CADM2: variants seen among roughly 807,000 people sequenced by gnomAD.
CADM2 encodes the protein cell adhesion molecule 2, also known as immunoglobulin superfamily member 4D.
A neutral mutation model predicts 49.8 loss-of-function variants in CADM2; 12 were observed. The observed-to-expected ratio is 0.24, with a 90% CI of 0.15 to 0.39. The LOEUF (loss-of-function observed/expected upper bound fraction) is 0.39, where lower values mean the gene tolerates loss of function less well. Among genes scored for constraint, CADM2 ranks in the 10% least tolerant of loss-of-function variants. The pLI is 1.00. For synonymous variants in CADM2, 214 were observed against 175.4 expected (o/e 1.22, Z -1.74); for missense variants, 378 against 492.3 (o/e 0.77, Z 2.20).
At chr3:85,913,936 G>A (rs918083752) in intron 6 of CADM2, among the ~76,000 whole-genome samples, 1 of 152,062 alleles carries the variant, frequency 6.6e-6, no homozygotes. Context: ...TCTAGGAATA[G>A]CAAGGGTGCC....
At chr3:85,019,448 A>C (rs1038009365) in intron 1 of CADM2, among the ~76,000 whole-genome samples, 1 of 152,122 alleles carries the variant, frequency 6.6e-6, no homozygotes, top group Non-Finnish European at 1.5e-5. Context: ...TCGCCACTGC[A>C]CTCTCACCTG....
intron 1 of CADM2, among the ~76,000 whole-genome samples, chr3:85,034,434 C>T (rs1258820686): frequency 6.6e-6 from 1 of 152,068 alleles, no homozygotes; most frequent in Non-Finnish European, 1.5e-5. Flanking sequence ...GGATCTCATT[C>T]TTTTTTACGG....
At chr3:85,612,240 A>T (rs1437316155) in intron 1 of CADM2, among the ~76,000 whole-genome samples, 1 of 152,028 alleles carries the variant, frequency 6.6e-6, no homozygotes. Flanking sequence ...TATAACAACA[A>T]TAGCAACTAA....
chr3:85,399,954 C>T (rs550105336), intron 1 of CADM2, among the ~76,000 whole-genome samples: 7 of 152,184 alleles, frequency 4.6e-5, no homozygotes, highest in African/African-American at 1.4e-4. Flanking sequence ...ATTGAATACC[C>T]TTTATTTCTT....
intron 1 of CADM2, among the ~76,000 whole-genome samples, chr3:85,687,174 A>C (rs2107671517): frequency 6.6e-6 from 1 of 152,350 alleles, no homozygotes; most frequent in South Asian, 2.1e-4. Flanking sequence ...CGTATGTCAC[A>C]AAATTTTTTT....
At chr3:85,535,750 G>A (rs2061409408) in intron 1 of CADM2, among the ~76,000 whole-genome samples, 2 of 152,092 alleles carry the variant, frequency 1.3e-5, no homozygotes, top group South Asian at 4.1e-4. Flanking sequence ...CTCAGCTTTA[G>A]GGAAAGGGGA....
chr3:85,845,168 A>C (rs1241364399), intron 3 of CADM2, among the ~76,000 whole-genome samples: 3 of 151,572 alleles, frequency 2.0e-5, no homozygotes, highest in African/African-American at 7.3e-5. Flanking sequence ...AAAAAAAAAA[A>C]AAAAAAGAAG....
intron 1 of CADM2, among the ~76,000 whole-genome samples, chr3:85,101,131 G>T (rs758128881): frequency 6.6e-6 from 1 of 152,076 alleles, no homozygotes; most frequent in African/African-American, 2.4e-5. Flanking sequence ...GTGCGCACCT[G>T]TAATCCCAGC....
At chr3:85,943,708 T>A (rs561538417) in intron 7 of CADM2, among the ~76,000 whole-genome samples, 5,041 of 151,724 alleles carry the variant, frequency 0.033, 279 homozygotes, top group African/African-American at 0.12. Flanking sequence ...GAGATATAGA[T>A]CAATGGAACC....
chr3:86,056,850 T>C (rs1351370294), intron 8 of CADM2, among the ~76,000 whole-genome samples: 1 of 152,206 alleles, frequency 6.6e-6, no homozygotes, highest in African/African-American at 2.4e-5. Flanking sequence ...TGTGGGGCCA[T>C]TTGTTTTTTA....
intron 1 of CADM2, among the ~76,000 whole-genome samples, chr3:85,639,342 C>T (rs868833802): frequency 6.6e-6 from 1 of 152,150 alleles, no homozygotes; most frequent in African/African-American, 2.4e-5. Context: ...CATCACTAAA[C>T]ATTGCATCGC....
At chr3:85,781,958 A>G (rs538340969) in intron 2 of CADM2, among the ~76,000 whole-genome samples, 1 of 152,342 alleles carries the variant, frequency 6.6e-6, no homozygotes, top group South Asian at 2.1e-4. Flanking sequence ...ATTTTGAAAT[A>G]CTGCCAACAT....
intron 1 of CADM2, among the ~76,000 whole-genome samples, chr3:85,066,237 T>C (rs2036525934): frequency 6.6e-6 from 1 of 151,944 alleles, no homozygotes; most frequent in Non-Finnish European, 1.5e-5. Flanking sequence ...AGTAGAGTTA[T>C]CAGGAAAGGG....
At chr3:85,456,887 G>A (rs903532818) in intron 1 of CADM2, among the ~76,000 whole-genome samples, 3 of 149,498 alleles carry the variant, frequency 2.0e-5, no homozygotes, top group African/African-American at 7.4e-5. Context: ...ACAATAAACA[G>A]CACTCATTGT....
chr3:85,747,789 CAA>C (rs1236277848), intron 2 of CADM2, among the ~76,000 whole-genome samples: 1 of 151,998 alleles, frequency 6.6e-6, no homozygotes, highest in Non-Finnish European at 1.5e-5. Context: ...ATGAGATCAT[CAA>C]AACTGCTAGC....
intron 1 of CADM2, among the ~76,000 whole-genome samples, chr3:85,575,083 A>G (rs759199608): frequency 3.9e-5 from 6 of 152,182 alleles, no homozygotes; most frequent in Non-Finnish European, 5.9e-5. Context: ...TGCAAGCCTG[A>G]GAAAGAAATT....
chr3:85,165,454 A>C (rs1418998976), intron 1 of CADM2, among the ~76,000 whole-genome samples: 2 of 151,970 alleles, frequency 1.3e-5, no homozygotes, highest in Non-Finnish European at 2.9e-5. Context: ...ATTCCACTTT[A>C]GGCTTCACTT....
intron 8 of CADM2, among the ~76,000 whole-genome samples, chr3:86,031,628 C>T (rs184808590): frequency 6.6e-6 from 1 of 151,848 alleles, no homozygotes; most frequent in Non-Finnish European, 1.5e-5. Context: ...TAGTCATTCA[C>T]TTATTTATCC....
chr3:85,644,436 A>C (rs530715978), intron 1 of CADM2, among the ~76,000 whole-genome samples: 1 of 152,280 alleles, frequency 6.6e-6, no homozygotes, highest in East Asian at 1.9e-4. Flanking sequence ...GAGGAGCACA[A>C]TTCAGTCCAT....
Sources: allele counts gnomAD v4.1 joint callset (sites outside exome capture counted in the v4.1 genomes callset), GRCh38; gene constraint gnomAD v4.1.1; transcripts MANE v1.5; gene names NCBI Gene and HGNC (gene_info 2026-07-23, HGNC 2026-07-21).